The following ATXN7 variants were observed in gnomAD, a reference collection of about 807,000 sequenced individuals.
ATXN7 encodes the protein ataxin-7.
Under a neutral mutation model 70.5 loss-of-function variants are expected in ATXN7, and 12 were observed. The observed-to-expected ratio is 0.17, with a 90% CI of 0.11 to 0.28. The LOEUF (loss-of-function observed/expected upper bound fraction) is 0.28. ATXN7 is among the 10% of genes least tolerant of loss of function. ATXN7 has a pLI of 1.00. For synonymous variants in ATXN7, 498 were observed against 448.7 expected, an observed-to-expected ratio of 1.11 and a Z score of -1.39; for missense variants, 1,256 against 1,131.7, an observed-to-expected ratio of 1.11 and a Z score of -1.58.
At chr3:63,998,200 A>AGT (rs1553696272) in intron 12 of ATXN7, 8 of 564,210 alleles carry the variant, frequency 1.4e-5, no homozygotes, top group South Asian at 8.8e-5. Flanking sequence ...AAAGGACAGA[A>AGT]GGGGGGGGGG....
At chr3:63,990,930 G>A (rs904266407) in intron 11 of ATXN7, 71 bp downstream of exon 11, 10 of 1,602,988 alleles carry the variant, frequency 6.2e-6, no homozygotes, top group Non-Finnish European at 8.5e-6. Flanking sequence ...TTTCCTGTGA[G>A]ACTGATGTTA....
rs185158189 is a variant in ATXN7, at chr3:63,983,853, C to T, written c.1095+832C>T. On this transcript the variant is annotated intron_variant, in intron 8 of 12. Coordinates refer to ENST00000674280, the MANE Select transcript of ATXN7 (RefSeq NM_001377405.1). ...TTTCTCTGGAGGGTGTCCCCAGCTA[C>T]CCCCCAGATAGGTTCAAGAAGCATT... Among the ~76,000 whole-genome samples, 15 of 152,122 alleles carry T rather than the reference C, an allele frequency of 9.9e-5. No individual in the cohort carries two copies. In the East Asian group the frequency reaches 2.7e-3, roughly 27 times the overall value.
chr3:63,901,384 T>C lies in ATXN7; in HGVS notation c.-12+2887T>C, dbSNP rs1703636098. On this transcript the variant is annotated intron_variant, in intron 2 of 12. Transcript: ENST00000674280. ...AACTCATTCTTCCTAACTGAAATTT[T>C]GTACCTTTTGACTAACTTTCCCTAA... is the stretch of plus-strand genomic sequence containing the variant. 2.0e-5 allele frequency: 3 copies of C among 152,224 alleles called. No homozygotes were observed. In the South Asian group the frequency reaches 6.2e-4, roughly 32 times the overall value. The allele number at this position is 152,224 out of a possible 1,614,324, so 9.4% of individuals were successfully genotyped here. A position where few individuals can be genotyped will look rare whatever the true frequency, so the allele number is the denominator to read the frequency against.
upstream of ATXN7, chr3:63,863,656 G>T: frequency 8.2e-7 from 1 of 1,221,152 alleles, no homozygotes; most frequent in South Asian, 3.7e-5. Flanking sequence ...GAAGCGCTCT[G>T]GCGAAGAGGC....
upstream of ATXN7, chr3:63,863,621 G>A (rs1702296074): frequency 5.0e-6 from 6 of 1,199,292 alleles, no homozygotes; most frequent in South Asian, 2.0e-4. Flanking sequence ...GAGGCCCGGG[G>A]CTCCGGGGAG....
chr3:63,935,795 A>G (rs956444016), intron 4 of ATXN7, among the ~76,000 whole-genome samples: 1 of 152,154 alleles, frequency 6.6e-6, no homozygotes, highest in African/African-American at 2.4e-5. Flanking sequence ...CCTTTCAGCA[A>G]TGAGTTTGAG....
intron 2 of ATXN7, chr3:63,900,502 T>C (rs2107267405): frequency 1.3e-5 from 2 of 152,390 alleles, no homozygotes; most frequent in Middle Eastern, 6.8e-3. Flanking sequence ...AGAGATGTCT[T>C]TCAGTGATCG....
At position 63,912,696 on chromosome 3, in the gene ATXN7, A is replaced by AGCC. The variant is rs1704085537; in HGVS notation, c.100_101insCGC (p.Gln33_Gln34insPro). 6.0e-6 allele frequency: 7 copies of AGCC among 1,159,830 alleles called. No homozygotes were observed. The highest frequency in any genetic ancestry group is 1.7e-5 in the African/African-American group (1 of 59,474). 71.8% of individuals were successfully genotyped at this position (1,159,830 alleles called of 1,614,324 possible). On this transcript the variant is annotated inframe_insertion, in exon 3 of 13. Coordinates refer to ENST00000674280, the MANE Select transcript of ATXN7 (RefSeq NM_001377405.1). ...GCCGCGGCCGCCCGGCAGCAGCAGC[A>AGCC]GCAGCAGCAGCAGCAGCAGCCGCCG...
intron 2 of ATXN7, among the ~76,000 whole-genome samples, chr3:63,899,596 A>AC (rs1332783966): frequency 6.6e-6 from 1 of 151,046 alleles, no homozygotes; most frequent in Non-Finnish European, 1.5e-5. Context: ...ACATAGCTAC[A>AC]CCCCCAACTC....
intron 4 of ATXN7, among the ~76,000 whole-genome samples, chr3:63,920,504 A>G (rs886898238): frequency 2.6e-5 from 4 of 152,186 alleles, no homozygotes; most frequent in Non-Finnish European, 5.9e-5. Context: ...CAGAATGTAC[A>G]TGGCTTTTCA....
chr3:63,876,873 C>T, intron 1 of ATXN7, among the ~76,000 whole-genome samples: 1 of 152,210 alleles, frequency 6.6e-6, no homozygotes, highest in East Asian at 1.9e-4. Flanking sequence ...ATATCATCTG[C>T]ATGGCGTTCT....
intron 4 of ATXN7, among the ~76,000 whole-genome samples, chr3:63,929,681 C>T (rs1358216878): frequency 9.2e-5 from 14 of 152,000 alleles, no homozygotes; most frequent in Non-Finnish European, 1.5e-4. Context: ...ATTCTTTTTT[C>T]CCCATCTCTG....
rs1206985846 is a variant in ATXN7, at chr3:63,864,178, G to T, written c.-111+20G>T. Reference sequence around the variant, plus strand: ...CGCCAGGTGAGCTCGCCCGGACGCCGCCAGGGCTGCGGGGGTGCGGCGGGA... The same window carrying T: ...CGCCAGGTGAGCTCGCCCGGACGCCTCCAGGGCTGCGGGGGTGCGGCGGGA... On this transcript the variant is annotated intron_variant, in intron 1 of 12. Transcript: ENST00000674280. Among the ~76,000 whole-genome samples, 2 of 150,364 alleles carry T rather than the reference G, an allele frequency of 1.3e-5. No individual in the cohort carries two copies. The highest frequency in any genetic ancestry group is 3.0e-5 in the Non-Finnish European group (2 of 67,456).
Position 63,996,119 on chromosome 3 carries a change from A to C in ATXN7, c.2297A>C (p.Asn766Thr). 6.2e-7 allele frequency: 1 copy of C among 1,614,198 alleles called. No homozygotes were observed. The highest frequency in any genetic ancestry group is 8.5e-7 in the Non-Finnish European group (1 of 1,180,032). ...IGLNCVTNKA[N>T]AVNVRHDQSG... ...CTCAACTGTGTGACGAATAAAGCAA[A>C]TGCGGTGAACGTCCGGCATGACCAG... The change falls in exon 12 of 13, where the codon AAT becomes ACT. Residue 766 changes from asparagine (N) to threonine (T), a missense_variant. Physicochemically the swap from Asn to Thr is moderately conservative, Grantham distance 65 (BLOSUM62 0). Transcript: ENST00000674280.
chr3:63,924,083 T>C (rs1704609423), intron 4 of ATXN7, among the ~76,000 whole-genome samples: 2 of 152,144 alleles, frequency 1.3e-5, no homozygotes, highest in Admixed American at 6.5e-5. Flanking sequence ...GCAGTGGTAA[T>C]GCAGAGAGGT....
In ATXN7 at chr3:64,002,552, G is replaced by T. The variant is rs1256076657; in HGVS notation, c.*3085G>T. ...ATACTCAGCACATGTATGTTACTAT[G>T]TGATGTGGTTTAAAACTAATGGAAA... is the stretch of plus-strand genomic sequence containing the variant. On this transcript the variant is annotated 3_prime_UTR_variant, in exon 13 of 13. Coordinates refer to ENST00000674280, the MANE Select transcript of ATXN7 (RefSeq NM_001377405.1). 6.6e-6 allele frequency: 1 copy of T among 152,080 alleles called. No homozygotes were observed. Among genetic ancestry groups the T allele is most frequent in the Non-Finnish European group, 1.5e-5 (1 of 68,004 alleles). The allele number at this position is 152,080 out of a possible 1,614,324, so 9.4% of individuals were successfully genotyped here.
intron 1 of ATXN7, among the ~76,000 whole-genome samples, chr3:63,882,035 A>G (rs1258772583): frequency 1.3e-5 from 2 of 152,212 alleles, no homozygotes; most frequent in African/African-American, 4.8e-5. Flanking sequence ...CAAAGAACAC[A>G]TTTTAACTAA....
intron 4 of ATXN7, among the ~76,000 whole-genome samples, chr3:63,917,878 CTGTGTGTT>C (rs1477023928): frequency 6.6e-6 from 1 of 152,190 alleles, no homozygotes; most frequent in Non-Finnish European, 1.5e-5. Context: ...AGACAGTATT[CTGTGTGTT>C]TGTGTGTTTA....
At chr3:63,916,290 G>A (rs1406796020) in intron 4 of ATXN7, among the ~76,000 whole-genome samples, 1 of 152,110 alleles carries the variant, frequency 6.6e-6, no homozygotes, top group Non-Finnish European at 1.5e-5. Flanking sequence ...TCTAGGTACA[G>A]GGTTTTAAAA....
Sources: gnomAD v4.1 joint callset for allele counts (sites outside exome capture counted in the v4.1 genomes callset) on GRCh38, gnomAD v4.1.1 for gene constraint, MANE v1.5 for transcripts, NCBI Gene and HGNC (gene_info 2026-07-23, HGNC 2026-07-21) for gene names.